The following EHD1 variants were observed in gnomAD, a reference collection of about 807,000 sequenced individuals.
EHD1 encodes the protein EH domain-containing protein 1.
In EHD1, 19 loss-of-function variants were observed where a neutral mutation model predicts 39.0. The ratio of observed to expected loss-of-function variants is 0.49; its 90% CI spans 0.34 to 0.72. The LOEUF (loss-of-function observed/expected upper bound fraction) is 0.72. Ranked by LOEUF, EHD1 falls within the 30% of genes least tolerant of loss-of-function variation. EHD1 has a pLI of 0.01. For missense variants in EHD1, 542 were observed against 751.5 expected (o/e 0.72, Z 3.26); for synonymous variants, 323 against 331.2 (o/e 0.98, Z 0.27).
intron 3 of EHD1, among the ~76,000 whole-genome samples, chr11:64,858,240 G>C (rs1283904625): frequency 6.6e-6 from 1 of 150,416 alleles, no homozygotes; most frequent in African/African-American, 2.4e-5. Flanking sequence ...GGAGTGCAGT[G>C]GTGTGATCTC....
In EHD1 at chr11:64,854,746, G is replaced by T. The variant is rs151119199; in HGVS notation, c.1192C>A (p.Arg398=). ...GAAGGCATCAGGGACTCCTCCTGCC[G>T]CACCATCACCATCAGCCGCGCGATG... The part of the protein sequence containing the change: ...NDIARLMVMV[R]QEESLMPSQV... Residue 398 remains arginine, a synonymous_variant, in exon 5 of 5, where the codon CGG becomes AGG. Coordinates refer to ENST00000320631, the MANE Select transcript of EHD1 (RefSeq NM_006795.4). 2 of 1,611,610 alleles carry T rather than the reference G, an allele frequency of 1.2e-6. No individual in the cohort carries two copies. Among genetic ancestry groups the T allele is most frequent in the East Asian group, 2.2e-5 (1 of 44,868 alleles).
Position 64,878,044 on chromosome 11 carries a change from G to A in EHD1, c.404+17C>T, listed in dbSNP as rs540607057. 1.0e-5 allele frequency: 15 copies of A among 1,495,262 alleles called. No individual in the cohort carries two copies. In the Admixed American group the frequency reaches 1.1e-4, roughly 11 times the overall value. 92.6% of individuals were successfully genotyped at this position (1,495,262 alleles called of 1,614,324 possible). ...CCCCGGACGCGCCCCCCGCCCCCTG[G>A]AGTGATGGGTGGGTACCTGTTGAGG... On this transcript the variant is annotated intron_variant, in intron 1 of 4. Transcript: ENST00000320631.
intron 1 of EHD1, 91 bp from the exon 2 acceptor site, chr11:64,874,609 C>A: frequency 9.7e-7 from 1 of 1,034,966 alleles, no homozygotes; most frequent in Admixed American, 3.5e-5. Flanking sequence ...TCCTTCGCTC[C>A]ATCTCTGGCT....
At chr11:64,877,840 G>C in intron 1 of EHD1, 1 of 423,256 alleles carries the variant, frequency 2.4e-6, no homozygotes, top group South Asian at 8.4e-5. Context: ...AAGATTCTGG[G>C]GAGGACAGAA....
intron 4 of EHD1, 78 bp from the exon 5 acceptor site, chr11:64,854,935 G>A: frequency 2.0e-6 from 3 of 1,534,394 alleles, no homozygotes; most frequent in Non-Finnish European, 2.6e-6. Context: ...TCCAGTCAGG[G>A]CTTCACAAGC....
rs565216224 is a variant in EHD1, at chr11:64,854,304, G to A, written c.*29C>T. The A allele has an allele frequency of 7.0e-6, 11 of 1,572,808 alleles. No individual in the cohort carries two copies. The African/African-American group carries it at 1.3e-4, about 19-fold the overall frequency. On this transcript the variant is annotated 3_prime_UTR_variant, in exon 5 of 5. Transcript: ENST00000320631. ...CCGTCTCTGCCTCCCGGCCGGGCGTGCAAATGGCAGGTGCGGGGCCGGGCG... is the reference window on the plus strand; with the variant it reads ...CCGTCTCTGCCTCCCGGCCGGGCGTACAAATGGCAGGTGCGGGGCCGGGCG...
At position 64,878,317 on chromosome 11, in the gene EHD1, G is replaced by T. The variant is rs1943910511; in HGVS notation, c.148C>A (p.Leu50Met). 1 of 1,614,078 alleles carries T rather than the reference G, an allele frequency of 6.2e-7. No individual in the cohort carries two copies. Residue 50 changes from leucine (L) to methionine (M), a missense_variant, in exon 1 of 5, where the codon CTG (leucine) becomes ATG (methionine). Coordinates refer to ENST00000320631, the MANE Select transcript of EHD1 (RefSeq NM_006795.4). ...TTGTTGTCGAAGTCAGCGTCCTCCA[G>T]CGCGGGCGAGTGGAACTCGTGGAAG... is the stretch of plus-strand genomic sequence containing the variant. The part of the protein sequence containing the change: ...YRFHEFHSPA[L>M]EDADFDNKPM...
intron 3 of EHD1, among the ~76,000 whole-genome samples, chr11:64,858,426 G>A (rs1943677546): frequency 6.6e-6 from 1 of 151,818 alleles, no homozygotes; most frequent in Non-Finnish European, 1.5e-5. Context: ...CTCAGGTGAT[G>A]CGCCCACCCA....
upstream of EHD1, chr11:64,879,290 T>G (rs1592757972): frequency 7.9e-6 from 7 of 888,282 alleles, no homozygotes; most frequent in South Asian, 3.1e-5. Context: ...GCCGACGGGG[T>G]GGGAATGGGA....
At chr11:64,878,808 G>C, upstream of EHD1, 7 of 1,183,160 alleles carry the variant, frequency 5.9e-6, no homozygotes, top group Non-Finnish European at 6.3e-6. Flanking sequence ...TCGCGAGGCT[G>C]TGGTCCGGGT....
At position 64,868,905 on chromosome 11, in the gene EHD1, C is replaced by T. The variant is rs1334079658; in HGVS notation, c.502+5516G>A. On this transcript the variant is annotated intron_variant, in intron 2 of 4. Transcript: ENST00000320631. The surrounding 1 kb of genome is among the most constrained non-coding windows in gnomAD (Gnocchi z 4.2). ...CTCAACAACGAGCTGTGTGACCCAGCAGGTCTCTGACCTCTCAGAGCCTCG... is the reference window on the plus strand; with the variant it reads ...CTCAACAACGAGCTGTGTGACCCAGTAGGTCTCTGACCTCTCAGAGCCTCG... Among the ~76,000 whole-genome samples the T allele has an allele frequency of 6.6e-6, 1 of 152,216 alleles. No individual in the cohort carries two copies. Among genetic ancestry groups the T allele is most frequent in the Non-Finnish European group, 1.5e-5 (1 of 68,032 alleles).
At chr11:64,864,885 C>G (rs887470646) in intron 2 of EHD1, among the ~76,000 whole-genome samples, 1 of 152,104 alleles carries the variant, frequency 6.6e-6, no homozygotes, top group East Asian at 1.9e-4. Context: ...AGGCCCCACT[C>G]CCCCCTCCCC....
At chr11:64,863,897 C>T (rs970967751) in intron 2 of EHD1, among the ~76,000 whole-genome samples, 1 of 152,262 alleles carries the variant, frequency 6.6e-6, no homozygotes, top group Non-Finnish European at 1.5e-5. Context: ...TGTGGGAGCA[C>T]TGGGCCTCCA....
Position 64,855,368 on chromosome 11 carries a change from T to C in EHD1, c.1034A>G (p.Glu345Gly). ...LGEIYQKIEREHQISPGDFPS... is the reference protein window; with the variant it reads ...LGEIYQKIERGHQISPGDFPS... ...GAAGTCCCCAGGGGAGATCTGGTGC[T>C]CGCGCTCAATCTTCTGGTAGATCTC... is the stretch of plus-strand genomic sequence containing the variant. Residue 345 changes from glutamate (E) to glycine (G), a missense_variant, in exon 4 of 5, where the codon GAG (glutamate) becomes GGG (glycine). Transcript: ENST00000320631. 1 of 1,614,142 alleles carries C rather than the reference T, an allele frequency of 6.2e-7. No individual in the cohort carries two copies. The highest frequency in any genetic ancestry group is 8.5e-7 in the Non-Finnish European group (1 of 1,180,008).
chr11:64,864,542 A>G (rs1211230403), intron 2 of EHD1, among the ~76,000 whole-genome samples: 1 of 152,220 alleles, frequency 6.6e-6, no homozygotes, highest in East Asian at 1.9e-4. Flanking sequence ...CACACTAGCT[A>G]AGCCTGCAGC....
rs1943698011 is a variant in EHD1, at chr11:64,860,132, A to G, written c.707T>C (p.Leu236Pro). The change falls in exon 3 of 5, where the codon CTC becomes CCC. Residue 236 changes from leucine (L) to proline (P), a missense_variant. Transcript: ENST00000320631. ...GATGATCTTGCCCAGGGACCACATG[A>G]GGGCCCCGTACACCCGCATCAGCTG... Reference protein sequence around the residue: ...TQQLMRVYGALMWSLGKIINT... With the variant: ...TQQLMRVYGAPMWSLGKIINT... 6 of 1,614,074 alleles carry G rather than the reference A, an allele frequency of 3.7e-6. No individual in the cohort carries two copies. Among genetic ancestry groups the G allele is most frequent in the Non-Finnish European group, 5.1e-6 (6 of 1,180,002 alleles).
At chr11:64,854,992 A>G (rs1335689718) in intron 4 of EHD1, 135 bp from the exon 5 acceptor site, 6 of 1,177,564 alleles carry the variant, frequency 5.1e-6, no homozygotes, top group Non-Finnish European at 7.2e-6. Context: ...CGGCAAAACC[A>G]TCTGGCCCTT....
chr11:64,878,491 C>T lies in EHD1; in HGVS notation c.-27G>A. On this transcript the variant is annotated 5_prime_UTR_variant, in exon 1 of 5. Coordinates refer to ENST00000320631, the MANE Select transcript of EHD1 (RefSeq NM_006795.4). ...CTGCCGGACACGGGGCTGGCTGCTG[C>T]GGGGCAGAGCGGCGGCTGAGAGCGG... 1.3e-6 allele frequency: 2 copies of T among 1,567,246 alleles called. No homozygotes were observed.
rs1383361008 is a variant in EHD1 at position 64,878,285 on chromosome 11, C to T, written c.180G>A (p.Met60Ile). 5 of 1,614,076 alleles carry T rather than the reference C, an allele frequency of 3.1e-6. No homozygotes were observed. In the Admixed American group the frequency reaches 8.3e-5, roughly 27 times the overall value. Residue 60 changes from methionine to isoleucine, a missense_variant, in exon 1 of 5, where the codon ATG (methionine) becomes ATA (isoleucine). Coordinates refer to ENST00000320631, the MANE Select transcript of EHD1 (RefSeq NM_006795.4). ...TGCTGTACTGCCCCACGAGGAGCAC[C>T]ATAGGCTTGTTGTCGAAGTCAGCGT... ...LEDADFDNKPMVLLVGQYSTG... is the reference protein window; with the variant it reads ...LEDADFDNKPIVLLVGQYSTG...
Sources: allele counts gnomAD v4.1 joint callset (sites outside exome capture counted in the v4.1 genomes callset), GRCh38; gene constraint gnomAD v4.1.1; non-coding constraint Gnocchi (gnomAD v3.1); transcripts MANE v1.5; gene names NCBI Gene and HGNC (gene_info 2026-07-23, HGNC 2026-07-21).